The following CECR2 variants were observed in gnomAD, a reference collection of about 807,000 sequenced individuals.
The protein encoded by CECR2 is chromatin remodeling regulator CECR2.
Under a neutral mutation model 154.5 loss-of-function variants are expected in CECR2, and 30 were observed. The observed-to-expected ratio is 0.19, with a 90% CI of 0.15 to 0.26. The LOEUF (loss-of-function observed/expected upper bound fraction) is 0.26, where lower values mean the gene tolerates loss of function less well. Ranked by LOEUF, CECR2 falls within the 10% of genes least tolerant of loss-of-function variation. The pLI, the probability that CECR2 is intolerant of heterozygous loss-of-function variation, is 1.00. For missense variants in CECR2, 1,743 were observed against 1,829.3 expected (o/e 0.95, Z 0.86); for synonymous variants, 725 against 683.7 (o/e 1.06, Z -0.94).
chr22:17,538,923 GTC>G (rs1025899256), intron 12 of CECR2, 68 bp from the exon 13 acceptor site: 777 of 1,474,742 alleles, frequency 5.3e-4, no homozygotes, highest in Non-Finnish European at 5.7e-4. Context: ...TTATCTCTCT[GTC>G]TCTCTCTCTC....
At chr22:17,552,775 T>TTTTTTTTTTTTTTTTG (rs1555936313) in intron 18 of CECR2, 60 bp from the exon 19 acceptor site, 10 of 888,116 alleles carry the variant, frequency 1.1e-5, no homozygotes, top group African/African-American at 7.8e-5. Flanking sequence ...CTTACTTAAG[T>TTTTTTTTTTTTTTTTG]TTTTTTTTTT....
At chr22:17,483,707 A>T (rs192222666) in intron 2 of CECR2, among the ~76,000 whole-genome samples, 2 of 152,352 alleles carry the variant, frequency 1.3e-5, no homozygotes, top group Admixed American at 6.5e-5. Context: ...ATAGTAAGCT[A>T]AATTTATTAT....
chr22:17,525,285 CCAA>C lies in CECR2; in HGVS notation c.1108+1015_1108+1017del, dbSNP rs1440646175. Among the ~76,000 whole-genome samples, 44 of 32,312 alleles carry C rather than the reference CCAA, an allele frequency of 1.4e-3. 2 individuals are homozygous for C. The highest frequency in any genetic ancestry group is 3.4e-3 in the African/African-American group (28 of 8,182). 21.2% of individuals were successfully genotyped at this position (32,312 alleles called of 152,430 possible). ...GGGCAACAAGAGTGAAACTCCATCT[CCAA>C]AAAAAAAAAAAAAAAAAAAAAAAAA... On this transcript the variant is annotated intron_variant, in intron 9 of 18. Coordinates refer to ENST00000262608, the MANE Select transcript of CECR2 (RefSeq NM_001290047.2).
intron 1 of CECR2, among the ~76,000 whole-genome samples, chr22:17,470,111 C>T (rs1053011596): frequency 2.6e-5 from 4 of 152,172 alleles, no homozygotes; most frequent in Admixed American, 1.3e-4. Context: ...GAACCTACCA[C>T]ACTCAAAGAC....
chr22:17,551,921 C>T, intron 17 of CECR2, 110 bp from the exon 18 acceptor site: 1 of 1,011,844 alleles, frequency 9.9e-7, no homozygotes, highest in Non-Finnish European at 1.5e-6. Context: ...TGATTCCAGG[C>T]CTGATCACCG....
intron 2 of CECR2, among the ~76,000 whole-genome samples, chr22:17,482,148 G>A (rs2055336200): frequency 7.3e-6 from 1 of 137,352 alleles, no homozygotes; most frequent in Non-Finnish European, 1.5e-5. Context: ...AAAAGGGCGT[G>A]GCATGGTGAC....
intron 2 of CECR2, among the ~76,000 whole-genome samples, chr22:17,483,304 A>C (rs1288969596): frequency 2.0e-5 from 3 of 152,218 alleles, no homozygotes; most frequent in Non-Finnish European, 4.4e-5. Flanking sequence ...TCATGCCTGT[A>C]ATCCCAGCAC....
Position 17,540,665 on chromosome 22 carries a change from G to T in CECR2, c.1749G>T (p.Ala583=). 6.2e-7 allele frequency: 1 copy of T among 1,613,968 alleles called. No homozygotes were observed. Among genetic ancestry groups the T allele is most frequent in the Non-Finnish European group, 8.5e-7 (1 of 1,179,872 alleles). The change falls in exon 14 of 19, where the codon GCG becomes GCT. Residue 583 remains alanine, a synonymous_variant. Transcript: ENST00000262608. ...GGKSLPPTRR[A]PSSGDDQSSS... The stretch of plus-strand genomic sequence containing the variant: ...AGTCGTTGCCCCCCACACGCCGAGC[G>T]CCCTCTTCTGGGGACGATCAGAGCA...
chr22:17,473,698 C>T (rs2055164876), intron 1 of CECR2, among the ~76,000 whole-genome samples: 2 of 152,164 alleles, frequency 1.3e-5, no homozygotes. Context: ...TGAAAATAGA[C>T]ACTTTTAATG....
chr22:17,524,383 A>ATTTATTTTTTT, intron 9 of CECR2, 112 bp downstream of exon 9: 11 of 666,306 alleles, frequency 1.7e-5, no homozygotes, highest in African/African-American at 5.2e-5. Context: ...GTTTCCGGCA[A>ATTTATTTTTTT]TTTCTTTTTT....
chr22:17,440,955 G>A (rs2054575971), intron 1 of CECR2, among the ~76,000 whole-genome samples: 1 of 150,988 alleles, frequency 6.6e-6, no homozygotes. Flanking sequence ...TTTTGGGGGG[G>A]AGGGGCAGGG....
At chr22:17,457,691 A>G (rs539904826) in intron 1 of CECR2, among the ~76,000 whole-genome samples, 2 of 152,144 alleles carry the variant, frequency 1.3e-5, no homozygotes, top group Non-Finnish European at 2.9e-5. Context: ...CAAAGGAAAA[A>G]CCTGTAGATG....
chr22:17,407,234 A>G (rs1413622493), intron 1 of CECR2, among the ~76,000 whole-genome samples: 1 of 152,174 alleles, frequency 6.6e-6, no homozygotes, highest in Non-Finnish European at 1.5e-5. Context: ...TAGTTATTTC[A>G]GTATAAGCTT....
chr22:17,521,762 C>T (rs1415618034), intron 8 of CECR2, among the ~76,000 whole-genome samples: 116 of 144,944 alleles, frequency 8.0e-4, no homozygotes, highest in East Asian at 1.4e-3. Flanking sequence ...TTAATTAGAT[C>T]CCATTTGTCT....
chr22:17,403,623 G>A (rs2146540840), intron 1 of CECR2, among the ~76,000 whole-genome samples: 1 of 152,218 alleles, frequency 6.6e-6, no homozygotes, highest in East Asian at 1.9e-4. Context: ...CTATTTTAAT[G>A]TGGTTTTGAT....
At chr22:17,492,632 T>C (rs1204634787) in intron 2 of CECR2, among the ~76,000 whole-genome samples, 1 of 152,228 alleles carries the variant, frequency 6.6e-6, no homozygotes, top group Non-Finnish European at 1.5e-5. Context: ...TACTGCTGTT[T>C]TGTAGGATGG....
chr22:17,491,684 A>G (rs534136345), intron 2 of CECR2, among the ~76,000 whole-genome samples: 17 of 151,918 alleles, frequency 1.1e-4, no homozygotes, highest in Non-Finnish European at 1.8e-4. Context: ...TGCCTTATAC[A>G]TGATACTTGA....
rs759317580 is a variant in CECR2, at chr22:17,543,015, T to C, written c.2860+12T>C. 2.5e-6 allele frequency: 4 copies of C among 1,587,188 alleles called. No individual in the cohort carries two copies. The South Asian group carries it at 3.4e-5, about 14-fold the overall frequency. ...TGAGAATGACCAAGGTAATTTACAC[T>C]GTCACTTTGGGCTCTTTAAGCTCTT... On this transcript the variant is annotated intron_variant, in intron 16 of 18. Transcript: ENST00000262608.
At chr22:17,468,769 T>C (rs1404766241) in intron 1 of CECR2, among the ~76,000 whole-genome samples, 1 of 152,198 alleles carries the variant, frequency 6.6e-6, no homozygotes, top group African/African-American at 2.4e-5. Flanking sequence ...GTAACCGTCT[T>C]AGTCCATACT....
Sources: gnomAD v4.1 joint callset for allele counts (sites outside exome capture counted in the v4.1 genomes callset) on GRCh38, gnomAD v4.1.1 for gene constraint, MANE v1.5 for transcripts, NCBI Gene and HGNC (gene_info 2026-07-23, HGNC 2026-07-21) for gene names.